Variants in ELF1 observed in about 807,000 individuals in gnomAD.
The protein encoded by ELF1 is ETS-related transcription factor Elf-1.
ELF1 carries 24 observed loss-of-function variants against 59.9 expected under a neutral mutation model. The ratio of observed to expected loss-of-function variants is 0.40; its 90% CI spans 0.29 to 0.56. The LOEUF (loss-of-function observed/expected upper bound fraction) is 0.56, where lower values mean the gene tolerates loss of function less well. ELF1 is among the 20% of genes least tolerant of loss of function. ELF1 has a pLI of 0.44. For missense variants in ELF1, 627 were observed against 742.2 expected, an observed-to-expected ratio of 0.84 and a Z score of 1.80; for synonymous variants, 248 against 266.2, an observed-to-expected ratio of 0.93 and a Z score of 0.67.
At chr13:41,022,622 T>G (rs1875733292), upstream of ELF1, among the ~76,000 whole-genome samples, 1 of 152,228 alleles carries the variant, frequency 6.6e-6, no homozygotes, top group African/African-American at 2.4e-5. Flanking sequence ...GGCTCACGCT[T>G]GTAATCCCAG....
intron 5 of ELF1, among the ~76,000 whole-genome samples, chr13:40,944,222 C>T (rs533309129): frequency 3.3e-5 from 5 of 152,288 alleles, no homozygotes; most frequent in African/African-American, 1.2e-4. Flanking sequence ...CTTTGAAGTA[C>T]CCATACTGGT....
chr13:40,981,927 T>C (rs541094350), intron 2 of ELF1, 56 bp downstream of exon 2: 430 of 1,557,854 alleles, frequency 2.8e-4, no homozygotes, highest in Non-Finnish European at 3.5e-4. Flanking sequence ...TTTTCTGATA[T>C]GAATAGAAAA....
intron 1 of ELF1, among the ~76,000 whole-genome samples, chr13:41,044,551 CAT>C (rs1441551759): frequency 2.0e-5 from 3 of 152,114 alleles, no homozygotes; most frequent in African/African-American, 7.2e-5. Flanking sequence ...TTGAGATAAT[CAT>C]GTGGTTTTTG....
chr13:41,029,749 T>C (rs1409186124), intron 1 of ELF1, among the ~76,000 whole-genome samples: 3 of 152,172 alleles, frequency 2.0e-5, no homozygotes, highest in Non-Finnish European at 2.9e-5. Context: ...GTGGGCACCA[T>C]CAATTGGCTA....
intron 1 of ELF1, among the ~76,000 whole-genome samples, chr13:41,033,956 G>A (rs1876272381): frequency 6.6e-6 from 1 of 152,094 alleles, no homozygotes; most frequent in African/African-American, 2.4e-5. Context: ...GTGATGAATT[G>A]TTCTATATCC....
At chr13:41,010,698 G>A (rs1307391327) in intron 1 of ELF1, among the ~76,000 whole-genome samples, 1 of 151,926 alleles carries the variant, frequency 6.6e-6, no homozygotes, top group Non-Finnish European at 1.5e-5. Context: ...AGAATAATAT[G>A]TAACAGGCAA....
At chr13:40,993,505 C>T (rs1017975685) in intron 1 of ELF1, among the ~76,000 whole-genome samples, 10 of 152,092 alleles carry the variant, frequency 6.6e-5, no homozygotes, top group African/African-American at 2.4e-4. Flanking sequence ...TTTTTAGAGA[C>T]AGGGTCTCGT....
intron 2 of ELF1, among the ~76,000 whole-genome samples, chr13:40,981,465 G>A (rs1046919057): frequency 6.6e-6 from 1 of 151,994 alleles, no homozygotes; most frequent in Non-Finnish European, 1.5e-5. Flanking sequence ...ACTGAAAGCC[G>A]ATTTAGAAAT....
Position 41,036,225 on chromosome 13 carries a change from T to A in ELF1, c.-229+24613A>T, listed in dbSNP as rs1004678759. ...GCCACCACAGCCGGCCAAAAAAAAA[T>A]TTTTTTCTAATTAGAAGCAGGCAGC... On this transcript the variant is annotated intron_variant, in intron 1 of 1. Coordinates refer to the ELF1 transcript ENST00000405737. Among the ~76,000 whole-genome samples the A allele has an allele frequency of 1.1e-4, 17 of 152,028 alleles. No homozygotes were observed. In the South Asian group the frequency reaches 2.7e-3, roughly 24 times the overall value.
intron 8 of ELF1, 59 bp downstream of exon 8, chr13:40,940,862 T>TA: frequency 1.3e-6 from 2 of 1,492,896 alleles, no homozygotes; most frequent in Non-Finnish European, 1.8e-6. Flanking sequence ...ACTTAACAAA[T>TA]AATGTCTCTG....
chr13:41,037,774 C>T lies in ELF1; in HGVS notation c.-229+23064G>A, dbSNP rs1380125063. 4.0e-5 allele frequency among the ~76,000 whole-genome samples: 6 copies of T among 149,234 alleles called. No homozygotes were observed. The East Asian group carries it at 7.8e-4, about 19-fold the overall frequency. On this transcript the variant is annotated intron_variant, in intron 1 of 1. Transcript: ENST00000405737. ...TCACACCACTGCACTCCAGCCTGGG[C>T]GACTAAGCGAGACTCCGTCTCAAAA...
intron 1 of ELF1, among the ~76,000 whole-genome samples, chr13:41,011,145 T>G (rs1197810916): frequency 6.6e-6 from 1 of 152,234 alleles, no homozygotes; most frequent in Non-Finnish European, 1.5e-5. Flanking sequence ...TCTGGTTAGA[T>G]TCAACAATCT....
At chr13:40,981,832 CAT>C in intron 2 of ELF1, 149 bp downstream of exon 2, 1 of 876,220 alleles carries the variant, frequency 1.1e-6, no homozygotes, top group South Asian at 2.2e-5. Context: ...GTGCTTAAAA[CAT>C]AGTATAATAT....
At chr13:41,052,754 T>C (rs1278559344) in intron 1 of ELF1, among the ~76,000 whole-genome samples, 1 of 152,126 alleles carries the variant, frequency 6.6e-6, no homozygotes, top group African/African-American at 2.4e-5. Flanking sequence ...AAAATAAATT[T>C]AAGAAAGTAA....
chr13:41,016,903 A>G (rs565413305), intron 1 of ELF1, among the ~76,000 whole-genome samples: 43 of 120,222 alleles, frequency 3.6e-4, no homozygotes, highest in Non-Finnish European at 6.1e-4. Flanking sequence ...AACAAGAGTG[A>G]AACTCCGTCT....
chr13:41,038,064 C>CT (rs1876456812), intron 1 of ELF1, among the ~76,000 whole-genome samples: 1 of 90,226 alleles, frequency 1.1e-5, no homozygotes, highest in African/African-American at 3.7e-5. Context: ...GTGAAGAAAC[C>CT]TTAAAAAAAA....
chr13:40,954,465 C>T (rs1321846191), intron 3 of ELF1, among the ~76,000 whole-genome samples: 1 of 151,790 alleles, frequency 6.6e-6, no homozygotes, highest in Non-Finnish European at 1.5e-5. Context: ...GTCTCCCTCT[C>T]CCTCTCTTTC....
rs147878914 is a variant in ELF1 at position 40,933,451 on chromosome 13, C to T, written c.1834G>A (p.Glu612Lys). 1.1e-5 allele frequency: 18 copies of T among 1,613,198 alleles called. No homozygotes were observed. Among genetic ancestry groups the T allele is most frequent in the African/African-American group, 4.0e-5 (3 of 74,820 alleles). The change falls in exon 9 of 9, where the codon GAA becomes AAA. Residue 612 changes from glutamate (E) to lysine (K), a missense_variant. Glu to Lys is a moderately conservative substitution (Grantham distance 56). Coordinates refer to ENST00000239882, the MANE Select transcript of ELF1 (RefSeq NM_172373.4). ...FTSQVAMKQN[E>K]LLEPNSF Reference sequence around the variant, plus strand: ...TAAAAAGAGTTGGGTTCCAGCAGTTCGTTTTGTTTCATAGCTACCTGAGAA... The same window carrying T: ...TAAAAAGAGTTGGGTTCCAGCAGTTTGTTTTGTTTCATAGCTACCTGAGAA...
At chr13:41,038,079 A>AC (rs974400246) in intron 1 of ELF1, among the ~76,000 whole-genome samples, 1 of 151,786 alleles carries the variant, frequency 6.6e-6, no homozygotes, top group Non-Finnish European at 1.5e-5. Context: ...AAAAAAAAAA[A>AC]AAAAGGAATA....
Sources: gnomAD v4.1 joint callset for allele counts (sites outside exome capture counted in the v4.1 genomes callset) on GRCh38, gnomAD v4.1.1 for gene constraint, MANE v1.5 for transcripts, NCBI Gene and HGNC (gene_info 2026-07-23, HGNC 2026-07-21) for gene names.